The following ITGBL1 variants were observed in gnomAD, a reference collection of about 807,000 sequenced individuals.
ITGBL1 encodes integrin subunit beta like 1, also known as integrin beta-like protein 1.
ITGBL1 carries 51 observed loss-of-function variants against 68.5 expected under a neutral mutation model. That is an observed-to-expected ratio of 0.74 (90% CI 0.59 to 0.94). ITGBL1 has a LOEUF of 0.94. ITGBL1 is among the 40% of genes least tolerant of loss of function. ITGBL1 has a pLI of 0.00. For synonymous variants in ITGBL1, 209 were observed against 227.3 expected, an observed-to-expected ratio of 0.92 and a Z score of 0.72; for missense variants, 649 against 647.4, an observed-to-expected ratio of 1.00 and a Z score of -0.03.
intron 2 of ITGBL1, among the ~76,000 whole-genome samples, chr13:101,490,404 C>A (rs1235816144): frequency 1.3e-5 from 2 of 152,174 alleles, no homozygotes; most frequent in Non-Finnish European, 2.9e-5. Context: ...TGCTAGCTGA[C>A]TAAGACACAC....
chr13:101,573,784 T>C (rs1370848724), intron 3 of ITGBL1, among the ~76,000 whole-genome samples: 2 of 152,164 alleles, frequency 1.3e-5, no homozygotes, highest in Non-Finnish European at 2.9e-5. Flanking sequence ...ATTCTCTTTC[T>C]AATAGATCAC....
intron 7 of ITGBL1, among the ~76,000 whole-genome samples, chr13:101,604,871 TA>T (rs1397293263): frequency 4.3e-5 from 1 of 23,448 alleles, no homozygotes; most frequent in African/African-American, 1.0e-4. Context: ...TATATATATA[TA>T]TATATATATA....
intron 2 of ITGBL1, among the ~76,000 whole-genome samples, chr13:101,488,963 T>C (rs1450971257): frequency 6.6e-6 from 1 of 152,208 alleles, no homozygotes; most frequent in Non-Finnish European, 1.5e-5. Context: ...TAATGGCTGT[T>C]TACCAGTAGG....
chr13:101,472,523 A>T (rs979447137), intron 2 of ITGBL1, among the ~76,000 whole-genome samples: 2 of 152,222 alleles, frequency 1.3e-5, no homozygotes, highest in African/African-American at 4.8e-5. Flanking sequence ...TATTGGAAGC[A>T]GTCAACATAT....
chr13:101,466,710 A>C (rs1346478426), intron 2 of ITGBL1, among the ~76,000 whole-genome samples: 3 of 152,220 alleles, frequency 2.0e-5, no homozygotes, highest in African/African-American at 4.8e-5. Flanking sequence ...GAAACTAAAA[A>C]CAAAAATATT....
intron 7 of ITGBL1, among the ~76,000 whole-genome samples, chr13:101,666,354 C>A (rs890632853): frequency 1.3e-5 from 2 of 152,066 alleles, no homozygotes. Flanking sequence ...TGACTTGGGA[C>A]CGCACTGGTT....
intron 2 of ITGBL1, among the ~76,000 whole-genome samples, chr13:101,460,525 G>A (rs2048304146): frequency 2.0e-5 from 3 of 152,216 alleles, no homozygotes; most frequent in South Asian, 2.1e-4. Flanking sequence ...GAAAGCAAGT[G>A]CCAAACATGC....
At chr13:101,480,544 A>G (rs1454611873) in intron 2 of ITGBL1, among the ~76,000 whole-genome samples, 1 of 152,116 alleles carries the variant, frequency 6.6e-6, no homozygotes, top group Non-Finnish European at 1.5e-5. Flanking sequence ...TGTAACACAA[A>G]TAAATGATAA....
intron 7 of ITGBL1, among the ~76,000 whole-genome samples, chr13:101,615,715 A>G (rs908521374): frequency 4.6e-5 from 7 of 152,028 alleles, no homozygotes; most frequent in African/African-American, 1.7e-4. Context: ...CTTGAGCCCA[A>G]GAGTTTGAAG....
At chr13:101,455,837 C>G (rs949995161) in intron 2 of ITGBL1, among the ~76,000 whole-genome samples, 1 of 152,134 alleles carries the variant, frequency 6.6e-6, no homozygotes, top group Admixed American at 6.5e-5. Flanking sequence ...GACCTATGGC[C>G]TCTGGCAAGC....
chr13:101,590,109 T>A (rs765672292), intron 6 of ITGBL1, among the ~76,000 whole-genome samples: 6 of 152,228 alleles, frequency 3.9e-5, no homozygotes, highest in Non-Finnish European at 5.9e-5. Flanking sequence ...CTAGAGCATC[T>A]GAACTTAAAA....
intron 7 of ITGBL1, among the ~76,000 whole-genome samples, chr13:101,632,649 G>A (rs2032024806): frequency 6.6e-6 from 1 of 152,136 alleles, no homozygotes; most frequent in Non-Finnish European, 1.5e-5. Flanking sequence ...TACTGATAAA[G>A]ACAACAATAT....
intron 7 of ITGBL1, among the ~76,000 whole-genome samples, chr13:101,687,676 T>G (rs1594981066): frequency 6.6e-6 from 1 of 152,116 alleles, no homozygotes; most frequent in African/African-American, 2.4e-5. Flanking sequence ...TGGAATGATT[T>G]TATATGTGCC....
chr13:101,715,861 C>A lies in ITGBL1; in HGVS notation c.*207C>A. 1 of 454,904 alleles carries A rather than the reference C, an allele frequency of 2.2e-6. No individual in the cohort carries two copies. Among genetic ancestry groups the A allele is most frequent in the Non-Finnish European group, 3.9e-6 (1 of 253,816 alleles). 28.2% of individuals were successfully genotyped at this position (454,904 alleles called of 1,614,324 possible). ...CAAATAACATTAGAAAAAAAAGATT[C>A]TTCCATAATTAACATAAGTGGTTCC... On this transcript the variant is annotated 3_prime_UTR_variant, in exon 11 of 11. Transcript: ENST00000376180.
At chr13:101,688,390 A>G (rs1313104006) in intron 7 of ITGBL1, among the ~76,000 whole-genome samples, 2 of 152,082 alleles carry the variant, frequency 1.3e-5, no homozygotes, top group Admixed American at 1.3e-4. Context: ...TGGGCTGGCT[A>G]TAGAACACCG....
intron 2 of ITGBL1, among the ~76,000 whole-genome samples, chr13:101,485,647 C>G (rs958072333): frequency 6.6e-6 from 1 of 152,090 alleles, no homozygotes; most frequent in Non-Finnish European, 1.5e-5. Context: ...AAAAAATTAC[C>G]TGGGCGTGGT....
chr13:101,706,271 G>A (rs1051380006), intron 8 of ITGBL1, among the ~76,000 whole-genome samples: 3 of 152,174 alleles, frequency 2.0e-5, no homozygotes. Context: ...TGTAAGCAGA[G>A]AGGTATACAG....
At chr13:101,659,284 AT>A (rs1388272294) in intron 7 of ITGBL1, among the ~76,000 whole-genome samples, 5 of 152,116 alleles carry the variant, frequency 3.3e-5, no homozygotes, top group Admixed American at 6.5e-5. Context: ...TTCTTCTAGT[AT>A]TTTAACTACA....
intron 7 of ITGBL1, among the ~76,000 whole-genome samples, chr13:101,618,096 T>C (rs2031437143): frequency 6.6e-6 from 1 of 152,238 alleles, no homozygotes; most frequent in Non-Finnish European, 1.5e-5. Context: ...CTCTTACATA[T>C]GCTGCTTATA....
Sources: allele counts gnomAD v4.1 joint callset (sites outside exome capture counted in the v4.1 genomes callset), GRCh38; gene constraint gnomAD v4.1.1; transcripts MANE v1.5; gene names NCBI Gene and HGNC (gene_info 2026-07-23, HGNC 2026-07-21).